Variants in STK17B observed in about 807,000 individuals in gnomAD.
STK17B encodes serine/threonine-protein kinase 17B.
STK17B carries 21 observed loss-of-function variants against 42.0 expected under a neutral mutation model. That is an observed-to-expected ratio of 0.50 (90% CI 0.35 to 0.72). The LOEUF (loss-of-function observed/expected upper bound fraction) is 0.72, where lower values mean the gene tolerates loss of function less well. Among genes scored for constraint, STK17B ranks in the 30% least tolerant of loss-of-function variants. STK17B has a pLI of 0.00. For synonymous variants in STK17B, 143 were observed against 148.4 expected (o/e 0.96, Z 0.26); for missense variants, 349 against 446.0 (o/e 0.78, Z 1.96).
At chr2:196,146,816 T>C (rs1345730808) in intron 3 of STK17B, among the ~76,000 whole-genome samples, 1 of 152,150 alleles carries the variant, frequency 6.6e-6, no homozygotes, top group Non-Finnish European at 1.5e-5. Context: ...CAAGTACAAT[T>C]AGGTTAACAA....
intron 3 of STK17B, among the ~76,000 whole-genome samples, chr2:196,146,518 A>C (rs1002186914): frequency 2.0e-5 from 3 of 152,190 alleles, no homozygotes; most frequent in Non-Finnish European, 4.4e-5. Flanking sequence ...AAAAAGAAAA[A>C]AGAAAATAAG....
chr2:196,151,769 T>C (rs974490848), intron 3 of STK17B, among the ~76,000 whole-genome samples: 10 of 152,228 alleles, frequency 6.6e-5, no homozygotes, highest in African/African-American at 2.4e-4. Context: ...TTCCTCCATA[T>C]GTATAAATAG....
chr2:196,152,160 G>A (rs1334448498), intron 3 of STK17B, among the ~76,000 whole-genome samples: 3 of 148,378 alleles, frequency 2.0e-5, no homozygotes, highest in South Asian at 2.1e-4. Flanking sequence ...AGCCTGGCGC[G>A]TAGTGGTGCG....
intron 4 of STK17B, among the ~76,000 whole-genome samples, chr2:196,144,254 G>C (rs1037329198): frequency 4.6e-5 from 7 of 151,716 alleles, no homozygotes; most frequent in African/African-American, 1.7e-4. Context: ...ACTTTGGGAG[G>C]CTGAGGTAGG....
At chr2:196,157,484 A>T (rs985749366) in intron 2 of STK17B, among the ~76,000 whole-genome samples, 3 of 152,214 alleles carry the variant, frequency 2.0e-5, no homozygotes, top group Admixed American at 6.5e-5. Flanking sequence ...TTTTCCTTTC[A>T]ACACAATTTT....
At chr2:196,152,119 T>C (rs1699673007) in intron 3 of STK17B, among the ~76,000 whole-genome samples, 1 of 151,746 alleles carries the variant, frequency 6.6e-6, no homozygotes, top group Non-Finnish European at 1.5e-5. Flanking sequence ...TTTTTTTTTT[T>C]TTTTTGAGAC....
upstream of STK17B, chr2:196,176,085 C>T (rs1519605): frequency 0.59 from 90,260 of 152,082 alleles, 30,262 homozygotes; most frequent in East Asian, 0.83. Flanking sequence ...ATCATCACTC[C>T]GATGATACAG....
chr2:196,140,161 A>C (rs1488966007), intron 6 of STK17B, among the ~76,000 whole-genome samples: 5 of 152,250 alleles, frequency 3.3e-5, no homozygotes, highest in African/African-American at 1.2e-4. Context: ...GAGGTTCTGC[A>C]CAAATAGAGG....
chr2:196,152,864 A>G (rs188767444), intron 3 of STK17B, among the ~76,000 whole-genome samples: 1 of 152,342 alleles, frequency 6.6e-6, no homozygotes, highest in African/African-American at 2.4e-5. Context: ...GAGCAGAAGG[A>G]ATAGGAATGA....
chr2:196,148,203 ATAAT>A (rs1575176233), intron 3 of STK17B, among the ~76,000 whole-genome samples: 2 of 152,206 alleles, frequency 1.3e-5, no homozygotes. Flanking sequence ...ATCTTCAAGA[ATAAT>A]TAATATACAC....
upstream of STK17B, among the ~76,000 whole-genome samples, chr2:196,171,780 C>T (rs1699949749): frequency 8.2e-6 from 1 of 121,616 alleles, no homozygotes; most frequent in Non-Finnish European, 1.7e-5. Context: ...CGGGGAGGCG[C>T]GGCGGCGTGG....
At chr2:196,168,491 C>G (rs1052656352) in intron 1 of STK17B, among the ~76,000 whole-genome samples, 5 of 152,136 alleles carry the variant, frequency 3.3e-5, no homozygotes, top group Non-Finnish European at 7.3e-5. Flanking sequence ...GTAACTATTA[C>G]AATGCAAAAT....
At chr2:196,153,638 A>G (rs1172420928) in intron 3 of STK17B, 1 of 152,218 alleles carries the variant, frequency 6.6e-6, no homozygotes, top group Non-Finnish European at 1.5e-5. Context: ...GGCTGATTAC[A>G]GGTCTGGGGC....
At chr2:196,140,001 T>C (rs948738673) in intron 6 of STK17B, among the ~76,000 whole-genome samples, 1 of 152,194 alleles carries the variant, frequency 6.6e-6, no homozygotes, top group Non-Finnish European at 1.5e-5. Flanking sequence ...CACAAGGGAA[T>C]GCACGTGTTA....
chr2:196,156,462 A>C lies in STK17B; in HGVS notation c.312T>G (p.Ser104Arg), dbSNP rs1699739500. The C allele has an allele frequency of 6.2e-7, 1 of 1,613,582 alleles. No homozygotes were observed. The highest frequency in any genetic ancestry group is 1.7e-5 in the Admixed American group (1 of 59,934). The change falls in exon 3 of 8, where the codon AGT becomes AGG. Residue 104 changes from serine (S) to arginine (R), a missense_variant. By Grantham distance (110) the Ser-to-Arg change is moderately radical. Transcript: ENST00000263955. ...INLHEVYENTSEIILILEYAA... is the reference protein window; with the variant it reads ...INLHEVYENTREIILILEYAA... ...ACTATTCCAATATCAAAATGATTTC[A>C]CTTGTATTTTCATAGACCTCATGAA... is the stretch of plus-strand genomic sequence containing the variant.
At chr2:196,148,536 A>G (rs1407083432) in intron 3 of STK17B, among the ~76,000 whole-genome samples, 1 of 152,218 alleles carries the variant, frequency 6.6e-6, no homozygotes. Context: ...TTTGTTAGGT[A>G]CTTTACAAGA....
At position 196,135,934 on chromosome 2, in the gene STK17B, C is replaced by A. The variant is rs1189706879; in HGVS notation, c.*1513G>T. 4.6e-5 allele frequency: 7 copies of A among 152,096 alleles called. No individual in the cohort carries two copies. The highest frequency in any genetic ancestry group is 6.8e-3 in the Middle Eastern group (2 of 294). The allele number at this position is 152,096 out of a possible 1,614,324, so 9.4% of individuals were successfully genotyped here. Reference sequence around the variant, plus strand: ...ACACACATGTGCACACATACACACACAAGTAGAGAAAACTTTTCCTTAACA... The same window carrying A: ...ACACACATGTGCACACATACACACAAAAGTAGAGAAAACTTTTCCTTAACA... On this transcript the variant is annotated 3_prime_UTR_variant, in exon 8 of 8. Transcript: ENST00000263955.
At position 196,137,513 on chromosome 2, in the gene STK17B, G is replaced by A; in HGVS notation, c.1053C>T (p.Ser351=). 2 of 1,614,064 alleles carry A rather than the reference G, an allele frequency of 1.2e-6. No individual in the cohort carries two copies. The highest frequency in any genetic ancestry group is 1.3e-5 in the African/African-American group (1 of 75,040). ...ATGAGTCATCGAAACGAAATCTTTT[G>A]GAAACCATGCTGCTATCCTCTGGGA... ...ENIPEDSSMV[S]KRFRFDDSLP... Residue 351 remains serine (S), a synonymous_variant, in exon 8 of 8, where the codon TCC becomes TCT. Transcript: ENST00000263955.
intron 4 of STK17B, among the ~76,000 whole-genome samples, chr2:196,144,827 A>T (rs1357280117): frequency 1.3e-5 from 2 of 152,094 alleles, no homozygotes; most frequent in African/African-American, 4.8e-5. Flanking sequence ...CTGTGCAAAG[A>T]ATTATAACAG....
Sources: allele counts gnomAD v4.1 joint callset (sites outside exome capture counted in the v4.1 genomes callset), GRCh38; gene constraint gnomAD v4.1.1; transcripts MANE v1.5; gene names NCBI Gene and HGNC (gene_info 2026-07-23, HGNC 2026-07-21).